CDC42BPA: variants seen among roughly 807,000 people sequenced by gnomAD.
CDC42BPA encodes serine/threonine-protein kinase MRCK alpha.
CDC42BPA carries 80 observed loss-of-function variants against 223.5 expected under a neutral mutation model. The ratio of observed to expected loss-of-function variants is 0.36; its 90% CI spans 0.30 to 0.43. The LOEUF (loss-of-function observed/expected upper bound fraction) is 0.43. CDC42BPA is among the 20% of genes least tolerant of loss of function. CDC42BPA has a pLI of 1.00. For missense variants in CDC42BPA, 1,743 were observed against 2,099.9 expected (o/e 0.83, Z 3.32); for synonymous variants, 694 against 718.6 (o/e 0.97, Z 0.55).
At chr1:227,208,494 A>C (rs1407734598) in intron 3 of CDC42BPA, among the ~76,000 whole-genome samples, 3 of 147,816 alleles carry the variant, frequency 2.0e-5, no homozygotes, top group Non-Finnish European at 4.5e-5. Flanking sequence ...TTTAGGTCTA[A>C]CGTTTAAGTC....
intron 1 of CDC42BPA, among the ~76,000 whole-genome samples, chr1:227,264,114 T>G (rs4354510): frequency 0.15 from 22,857 of 152,230 alleles, 2,080 homozygotes; most frequent in African/African-American, 0.24. Context: ...TGTCTTATTT[T>G]GAATATATAA....
intron 1 of CDC42BPA, among the ~76,000 whole-genome samples, chr1:227,306,312 T>C (rs1460920383): frequency 1.3e-5 from 2 of 151,498 alleles, no homozygotes; most frequent in African/African-American, 4.8e-5. Flanking sequence ...CATTTGTACA[T>C]GTTTAATACA....
chr1:227,130,033 G>C (rs564307095), intron 10 of CDC42BPA, among the ~76,000 whole-genome samples: 14 of 151,986 alleles, frequency 9.2e-5, no homozygotes, highest in Non-Finnish European at 1.6e-4. Context: ...AATTTATCTT[G>C]CACTTCTAAT....
chr1:227,141,530 G>A (rs7367807), intron 9 of CDC42BPA, among the ~76,000 whole-genome samples: 108,593 of 151,726 alleles, frequency 0.72, 39,066 homozygotes, highest in South Asian at 0.86. Flanking sequence ...GGGTCTAACA[G>A]TAAGTAGGCG....
intron 35 of CDC42BPA, among the ~76,000 whole-genome samples, chr1:227,003,018 C>A (rs1663188302): frequency 6.6e-6 from 1 of 152,158 alleles, no homozygotes; most frequent in African/African-American, 2.4e-5. Context: ...GGGATAATTT[C>A]TTATGCAGCA....
At chr1:227,007,318 C>G (rs536846546) in intron 34 of CDC42BPA, among the ~76,000 whole-genome samples, 1 of 152,172 alleles carries the variant, frequency 6.6e-6, no homozygotes, top group Non-Finnish European at 1.5e-5. Flanking sequence ...TAAGACATAA[C>G]AAGATGTGAC....
At chr1:227,266,739 T>C (rs1181074853) in intron 1 of CDC42BPA, among the ~76,000 whole-genome samples, 1 of 152,210 alleles carries the variant, frequency 6.6e-6, no homozygotes, top group Non-Finnish European at 1.5e-5. Context: ...TTTAACAAGC[T>C]TGACATTTTA....
At chr1:227,121,335 G>T (rs1462791830) in intron 11 of CDC42BPA, among the ~76,000 whole-genome samples, 3 of 152,200 alleles carry the variant, frequency 2.0e-5, no homozygotes. Context: ...ATGAAGCAGT[G>T]TTAATATGTT....
At chr1:227,311,725 TAA>T (rs55674142) in intron 1 of CDC42BPA, among the ~76,000 whole-genome samples, 54 of 145,690 alleles carry the variant, frequency 3.7e-4, no homozygotes, top group African/African-American at 1.3e-3. Context: ...TACCCAATCA[TAA>T]AAAAAAAAAA....
At chr1:227,243,602 C>A (rs1680375338) in intron 2 of CDC42BPA, among the ~76,000 whole-genome samples, 1 of 152,066 alleles carries the variant, frequency 6.6e-6, no homozygotes, top group South Asian at 2.1e-4. Context: ...AAAATATGTT[C>A]ATGACCTTGA....
At chr1:227,156,705 T>C (rs1324084194) in intron 6 of CDC42BPA, among the ~76,000 whole-genome samples, 1 of 152,224 alleles carries the variant, frequency 6.6e-6, no homozygotes, top group Non-Finnish European at 1.5e-5. Context: ...TTCTGGAATT[T>C]GCATTTCGAA....
chr1:227,154,133 C>G (rs905039827), intron 6 of CDC42BPA, among the ~76,000 whole-genome samples: 1 of 151,902 alleles, frequency 6.6e-6, no homozygotes, highest in African/African-American at 2.4e-5. Flanking sequence ...AATGGAAAAG[C>G]TGTCATTTAT....
At chr1:227,103,673 G>A (rs1300081374) in intron 14 of CDC42BPA, among the ~76,000 whole-genome samples, 3 of 151,946 alleles carry the variant, frequency 2.0e-5, no homozygotes, top group Admixed American at 6.6e-5. Context: ...TCTGCTCCCC[G>A]AAATAATTTA....
At chr1:227,013,400 T>G (rs1053484902) in intron 34 of CDC42BPA, among the ~76,000 whole-genome samples, 1 of 151,574 alleles carries the variant, frequency 6.6e-6, no homozygotes, top group African/African-American at 2.4e-5. Context: ...TATCTCTTTT[T>G]TTTTCTTAAA....
At chr1:227,049,770 C>T (rs754366964) in intron 22 of CDC42BPA, among the ~76,000 whole-genome samples, 2 of 151,992 alleles carry the variant, frequency 1.3e-5, no homozygotes, top group Non-Finnish European at 2.9e-5. Context: ...ATAGCCATTA[C>T]AAATCGATGG....
In CDC42BPA at chr1:227,091,912, T is replaced by C; in HGVS notation, c.2329A>G (p.Lys777Glu). The C allele has an allele frequency of 6.2e-7, 1 of 1,603,910 alleles. No homozygotes were observed. Reference protein sequence around the residue: ...REKVLLTEENKKLTSELDKLT... With the variant: ...REKVLLTEENEKLTSELDKLT... ...TTATCAAGTTCACTCGTCAGCTTTTTATTTTCTTCAGTTAACAACACTTTT... is the reference window on the plus strand; with the variant it reads ...TTATCAAGTTCACTCGTCAGCTTTTCATTTTCTTCAGTTAACAACACTTTT... The change falls in exon 16 of 37, where the codon AAA (lysine) becomes GAA (glutamate). Residue 777 changes from lysine to glutamate, a missense_variant. Coordinates refer to ENST00000366766, the MANE Select transcript of CDC42BPA (RefSeq NM_001394014.1).
chr1:227,311,722 T>C (rs984100224), intron 1 of CDC42BPA, among the ~76,000 whole-genome samples: 2 of 142,986 alleles, frequency 1.4e-5, no homozygotes, highest in African/African-American at 5.1e-5. Context: ...AAATACCCAA[T>C]CATAAAAAAA....
intron 21 of CDC42BPA, among the ~76,000 whole-genome samples, chr1:227,059,078 A>AG (rs1286605160): frequency 6.6e-6 from 1 of 152,190 alleles, no homozygotes; most frequent in Non-Finnish European, 1.5e-5. Flanking sequence ...GACTACTTAG[A>AG]AGGCATACTT....
At chr1:227,304,806 A>G (rs1368075240) in intron 1 of CDC42BPA, among the ~76,000 whole-genome samples, 1 of 152,222 alleles carries the variant, frequency 6.6e-6, no homozygotes, top group African/African-American at 2.4e-5. Flanking sequence ...AGAATAGCAC[A>G]AGAGAATTTT....
Sources: allele counts gnomAD v4.1 joint callset (sites outside exome capture counted in the v4.1 genomes callset), GRCh38; gene constraint gnomAD v4.1.1; transcripts MANE v1.5; gene names NCBI Gene and HGNC (gene_info 2026-07-23, HGNC 2026-07-21).